Variants in NMBR observed in about 807,000 individuals in gnomAD.
The protein encoded by NMBR is neuromedin B receptor, also known as neuromedin-B receptor.
A neutral mutation model predicts 20.5 loss-of-function variants in NMBR; 16 were observed. The observed-to-expected ratio is 0.78, with a 90% CI of 0.53 to 1.19. The LOEUF (loss-of-function observed/expected upper bound fraction) is 1.19, where lower values mean the gene tolerates loss of function less well. NMBR is among the 50% of genes most tolerant of loss of function. NMBR has a pLI of 0.00. For missense variants in NMBR, 582 were observed against 499.1 expected, an observed-to-expected ratio of 1.17 and a Z score of -1.58; for synonymous variants, 212 against 196.6, an observed-to-expected ratio of 1.08 and a Z score of -0.65.
At chr6:142,134,004 A>T in intron 1 of NMBR, 1 of 702,424 alleles carries the variant, frequency 1.4e-6, no homozygotes. Context: ...CTCTTCTGTT[A>T]CAATCAGTTC....
intron 3 of NMBR, 49 bp downstream of exon 3, chr6:142,078,506 A>G (rs1197117442): frequency 2.0e-6 from 2 of 988,644 alleles, no homozygotes; most frequent in Non-Finnish European, 3.0e-6. Flanking sequence ...AATAAATAGC[A>G]GTTACTTGTT....
At chr6:142,124,325 G>C (rs572488943) in intron 1 of NMBR, among the ~76,000 whole-genome samples, 1 of 151,926 alleles carries the variant, frequency 6.6e-6, no homozygotes, top group South Asian at 2.1e-4. Flanking sequence ...TTTCTCCCAA[G>C]CTTGCCAGAA....
chr6:142,088,398 G>C lies in NMBR; in HGVS notation c.261C>G (p.Ala87=), dbSNP rs139984675. ...VPNIFISNLA[A]GDLLLLLTCV... The stretch of plus-strand genomic sequence containing the variant: ...AGGTGAGCAGCAGCAGCAAGTCCCC[G>C]GCCGCCAGGTTAGAGATGAAGATGT... Residue 87 remains alanine, a synonymous_variant, in exon 2 of 4, where the codon GCC becomes GCG. Coordinates refer to ENST00000258042, the MANE Select transcript of NMBR (RefSeq NM_002511.4). 8.1e-6 allele frequency: 13 copies of C among 1,613,968 alleles called. No individual in the cohort carries two copies. Among genetic ancestry groups the C allele is most frequent in the Non-Finnish European group, 1.1e-5 (13 of 1,180,024 alleles).
intron 1 of NMBR, among the ~76,000 whole-genome samples, chr6:142,095,255 T>G (rs867994669): frequency 3.9e-5 from 6 of 152,072 alleles, no homozygotes; most frequent in South Asian, 4.2e-4. Flanking sequence ...ATGCTTCCGG[T>G]TTTTGCCCAT....
At chr6:142,121,031 A>G (rs1777936492) in intron 1 of NMBR, among the ~76,000 whole-genome samples, 1 of 151,934 alleles carries the variant, frequency 6.6e-6, no homozygotes, top group South Asian at 2.1e-4. Context: ...TCTCTGTATC[A>G]CATTTTGGGA....
chr6:142,075,701 T>C lies in NMBR; in HGVS notation c.1120A>G (p.Thr374Ala), dbSNP rs1290790564. 3 of 1,613,684 alleles carry C rather than the reference T, an allele frequency of 1.9e-6. No individual in the cohort carries two copies. The highest frequency in any genetic ancestry group is 1.3e-5 in the African/African-American group (1 of 75,014). ...TGCCCATTTAGTAAAACAGAATTGG[T>C]CACCATGTTCTTAGCATTGCTTTTC... is the stretch of plus-strand genomic sequence containing the variant. ...SLKSNAKNMV[T>A]NSVLLNGHSM... Residue 374 changes from threonine to alanine, a missense_variant, in exon 4 of 4, where the codon ACC becomes GCC. Transcript: ENST00000258042.
chr6:142,095,233 T>C (rs1777422198), intron 1 of NMBR, among the ~76,000 whole-genome samples: 1 of 152,120 alleles, frequency 6.6e-6, no homozygotes, highest in Admixed American at 6.5e-5. Context: ...CTTGTGCCAG[T>C]TTTTAAAGGG....
chr6:142,116,278 A>G (rs553038014), intron 1 of NMBR, among the ~76,000 whole-genome samples: 15 of 151,868 alleles, frequency 9.9e-5, no homozygotes, highest in Non-Finnish European at 1.9e-4. Flanking sequence ...CCAAAAAGAT[A>G]CCCAAACACA....
chr6:142,091,955 G>T (rs1027619793), intron 1 of NMBR, among the ~76,000 whole-genome samples: 1 of 152,066 alleles, frequency 6.6e-6, no homozygotes, highest in Non-Finnish European at 1.5e-5. Flanking sequence ...AACCAATTTT[G>T]TAATCCTCAT....
intron 1 of NMBR, among the ~76,000 whole-genome samples, chr6:142,117,146 T>C (rs1428647684): frequency 1.3e-5 from 2 of 151,934 alleles, no homozygotes; most frequent in African/African-American, 4.8e-5. Context: ...ACAGGAGCTT[T>C]CACTACACCT....
rs190997845 is a variant in NMBR at position 142,097,313 on chromosome 6, G to A, written c.-663-7992C>T. ...CATGTTTTTGCAGTGGCTGGTACCA[G>A]TTGTTCCTTTCCATGTTTAGTGCTT... On this transcript the variant is annotated intron_variant, in intron 1 of 3. Transcript: ENST00000258042. Among the ~76,000 whole-genome samples the A allele has an allele frequency of 3.9e-5, 6 of 152,260 alleles. No individual in the cohort carries two copies. In the East Asian group the frequency reaches 1.2e-3, roughly 29 times the overall value.
At chr6:142,125,516 C>CATGTGCATGCATAT (rs1778017527) in intron 1 of NMBR, among the ~76,000 whole-genome samples, 1 of 63,770 alleles carries the variant, frequency 1.6e-5, no homozygotes, top group Non-Finnish European at 4.1e-5. Context: ...TACATACATA[C>CATGTGCATGCATAT]ACAATTACTC....
intron 1 of NMBR, among the ~76,000 whole-genome samples, chr6:142,094,137 C>G (rs375974355): frequency 7.3e-5 from 11 of 151,580 alleles, no homozygotes; most frequent in African/African-American, 2.4e-4. Flanking sequence ...TTTGCTGTGC[C>G]GAAGCTCTTT....
chr6:142,088,380 CA>C lies in NMBR; in HGVS notation c.278del (p.Leu93ArgfsTer26). On this transcript the variant is annotated frameshift_variant, in exon 2 of 4. Coordinates refer to ENST00000258042, the MANE Select transcript of NMBR (RefSeq NM_002511.4). LOFTEE classifies it high-confidence loss of function. ...AGGCGTCCACCGGGACGCAGGTGAG[CA>C]GCAGCAGCAAGTCCCCGGCCGCCAG... ...SNLAAGDLLL[L>X]LTCVPVDASR... is the part of the protein sequence containing the mutation. 3 of 1,614,106 alleles carry C rather than the reference CA, an allele frequency of 1.9e-6. No homozygotes were observed. The highest frequency in any genetic ancestry group is 1.7e-6 in the Non-Finnish European group (2 of 1,180,022).
chr6:142,082,071 T>A (rs942896978), intron 2 of NMBR, among the ~76,000 whole-genome samples: 2 of 152,188 alleles, frequency 1.3e-5, no homozygotes, highest in African/African-American at 4.8e-5. Context: ...AAAAATGGGA[T>A]ATTTTTTACC....
chr6:142,121,623 T>C (rs905775880), intron 1 of NMBR, among the ~76,000 whole-genome samples: 1 of 151,860 alleles, frequency 6.6e-6, no homozygotes, highest in African/African-American at 2.4e-5. Flanking sequence ...AACCTTTTTT[T>C]TTCATTTTCT....
intron 1 of NMBR, chr6:142,134,710 T>C: frequency 1.4e-6 from 1 of 692,798 alleles, no homozygotes; most frequent in Non-Finnish European, 2.6e-6. Context: ...GCTTCAGATT[T>C]ACCTCTTTGG....
intron 1 of NMBR, among the ~76,000 whole-genome samples, chr6:142,132,937 T>G (rs1429734964): frequency 6.6e-6 from 1 of 152,120 alleles, no homozygotes; most frequent in East Asian, 1.9e-4. Context: ...CTCTCTGCTT[T>G]TGTTTCTTTG....
rs771374979 is a variant in NMBR, at chr6:142,078,764, T to C, written c.562A>G (p.Ser188Gly). The change falls in exon 3 of 4, where the codon AGT (serine) becomes GGT (glycine). Residue 188 changes from serine to glycine, a missense_variant. By Grantham distance (56) the Ser-to-Gly change is moderately conservative. Transcript: ENST00000258042. ...GTGAAGCTGCTATTATCCAAGCTAC[T>C]GATGCGAGCCACTTCTGAAAACACC... ...EAVFSEVARI[S>G]SLDNSSFTAC... 8 of 1,613,882 alleles carry C rather than the reference T, an allele frequency of 5.0e-6. No homozygotes were observed. Among genetic ancestry groups the C allele is most frequent in the Non-Finnish European group, 6.8e-6 (8 of 1,180,018 alleles).
Sources: allele counts gnomAD v4.1 joint callset (sites outside exome capture counted in the v4.1 genomes callset), GRCh38; gene constraint gnomAD v4.1.1; transcripts MANE v1.5; gene names NCBI Gene and HGNC (gene_info 2026-07-23, HGNC 2026-07-21).